GRIP2: variants seen among roughly 807,000 people sequenced by gnomAD.
GRIP2 encodes the protein glutamate receptor-interacting protein 2.
A neutral mutation model predicts 108.3 loss-of-function variants in GRIP2; 58 were observed. That is an observed-to-expected ratio of 0.54 (90% CI 0.43 to 0.67). GRIP2 has a LOEUF of 0.67. Ranked by LOEUF, GRIP2 falls within the 30% of genes least tolerant of loss-of-function variation. The pLI, the probability that GRIP2 is intolerant of heterozygous loss-of-function variation, is 0.00. For missense variants in GRIP2, 1,278 were observed against 1,430.6 expected (o/e 0.89, Z 1.72); for synonymous variants, 586 against 598.2 (o/e 0.98, Z 0.30).
chr3:14,503,228 C>T (rs139793839), intron 21 of GRIP2, among the ~76,000 whole-genome samples: 1 of 151,378 alleles, frequency 6.6e-6, no homozygotes, highest in African/African-American at 2.5e-5. Context: ...ATCGGACACA[C>T]ATGTTCTGAA....
At chr3:14,528,369 G>A (rs11714309) in intron 1 of GRIP2, among the ~76,000 whole-genome samples, 3,520 of 152,250 alleles carry the variant, frequency 0.023, 70 homozygotes, top group Non-Finnish European at 0.038. Context: ...ACAGGTTTTC[G>A]TTTGAACATA....
At chr3:14,590,007 G>A in the GRIP2 span, among the ~76,000 whole-genome samples, 1 of 152,004 alleles carries the variant, frequency 6.6e-6, no homozygotes, top group Non-Finnish European at 1.5e-5. Flanking sequence ...TACCTAGGCT[G>A]GTCTCAAACT....
rs1694935323 is a variant in GRIP2 at position 14,540,294 on chromosome 3, G to A, written c.15C>T (p.Leu5=). MLCG[L]SRETPGEADD... ...CCGCCTCTCCAGGGGTCTCCCGGCT[G>A]AGCCCACACAGCATGTTCGCTATTG... Residue 5 remains leucine, a synonymous_variant, in exon 1 of 24, where the codon CTC becomes CTT. Transcript: ENST00000621039. This position sits in a 1 kb window ranked among gnomAD's most constrained non-coding sequence, Gnocchi z 4.1. 2 of 1,613,634 alleles carry A rather than the reference G, an allele frequency of 1.2e-6. No homozygotes were observed. The highest frequency in any genetic ancestry group is 1.1e-5 in the South Asian group (1 of 91,064).
upstream of GRIP2, among the ~76,000 whole-genome samples, chr3:14,546,691 C>A (rs1198742454): frequency 6.6e-6 from 1 of 152,168 alleles, no homozygotes; most frequent in Non-Finnish European, 1.5e-5. Context: ...GCAAATGACC[C>A]CAAGTTCATG....
rs759299865 is a variant in GRIP2, at chr3:14,507,484, G to A, written c.2218+77C>T. ...TGCAGTGAGGACTCTGTGAGGGTGT[G>A]CAGGCAAAGCCTGGCACAGAGGGAT... is the stretch of plus-strand genomic sequence containing the variant. On this transcript the variant is annotated intron_variant, in intron 18 of 23. Coordinates refer to ENST00000621039, the MANE Select transcript of GRIP2 (RefSeq NM_001080423.4). The surrounding 1 kb of genome is among the most constrained non-coding windows in gnomAD (Gnocchi z 4.6). The A allele has an allele frequency of 9.0e-6, 14 of 1,551,362 alleles. No individual in the cohort carries two copies. In the South Asian group the frequency reaches 1.2e-4, roughly 13 times the overall value.
chr3:14,529,900 C>G (rs942434487), intron 1 of GRIP2, among the ~76,000 whole-genome samples: 1 of 152,150 alleles, frequency 6.6e-6, no homozygotes, highest in Admixed American at 6.5e-5. Context: ...GAGAATTTTC[C>G]ATTCCTTCCC....
At position 14,554,096 on chromosome 3, in the gene GRIP2, G is replaced by A. The variant is rs1423216397; in HGVS notation, c.55+1804C>T. ...GGGGAAGATGGAATTAAAAATTCCA[G>A]GAGTCTACTGTGTGTCCCAAACTTC... On this transcript the variant is annotated intron_variant, in intron 1 of 23. Transcript: ENST00000637182. Among the ~76,000 whole-genome samples the A allele has an allele frequency of 2.0e-5, 3 of 152,302 alleles. No individual in the cohort carries two copies. The East Asian group carries it at 5.8e-4, about 29-fold the overall frequency.
the GRIP2 span, among the ~76,000 whole-genome samples, chr3:14,590,362 C>T: frequency 6.6e-6 from 1 of 152,198 alleles, no homozygotes; most frequent in Non-Finnish European, 1.5e-5. Context: ...ACCACTCCTC[C>T]TCATCTGTGT....
upstream of GRIP2, among the ~76,000 whole-genome samples, chr3:14,546,682 C>CA (rs1695062981): frequency 6.6e-6 from 1 of 152,178 alleles, no homozygotes; most frequent in African/African-American, 2.4e-5. Context: ...GCGTGGAGGG[C>CA]AAATGACCCC....
chr3:14,517,914 A>T lies in GRIP2; in HGVS notation c.1031-17T>A. 6.5e-7 allele frequency: 1 copy of T among 1,529,448 alleles called. No individual in the cohort carries two copies. The highest frequency in any genetic ancestry group is 2.4e-5 in the East Asian group (1 of 42,464). 94.7% of individuals were successfully genotyped at this position (1,529,448 alleles called of 1,614,324 possible). On this transcript the variant is annotated splice_polypyrimidine_tract_variant and intron_variant, in intron 9 of 23. Transcript: ENST00000621039. ...GCACTTTCACTGTAGCCAGCGGAGA[A>T]AGAGGAAAGAGAGGTGCAGGCGTTA...
chr3:14,601,389 C>T, the GRIP2 span, among the ~76,000 whole-genome samples: 1 of 152,152 alleles, frequency 6.6e-6, no homozygotes, highest in Non-Finnish European at 1.5e-5. Flanking sequence ...GGGGCAGCTC[C>T]GTTGAGTAGA....
chr3:14,599,225 C>G, the GRIP2 span, among the ~76,000 whole-genome samples: 1 of 152,220 alleles, frequency 6.6e-6, no homozygotes, highest in African/African-American at 2.4e-5. Context: ...CTTGCTGCAT[C>G]TATGTTTCCC....
the GRIP2 span, among the ~76,000 whole-genome samples, chr3:14,601,347 G>A: frequency 1.3e-5 from 2 of 152,142 alleles, no homozygotes; most frequent in Non-Finnish European, 2.9e-5. Context: ...CTGGCTCTGC[G>A]AGATTTCCTT....
intron 1 of GRIP2, among the ~76,000 whole-genome samples, chr3:14,528,167 C>T (rs919735025): frequency 5.3e-5 from 8 of 152,158 alleles, no homozygotes; most frequent in Non-Finnish European, 1.2e-4. Flanking sequence ...TCAGTATGTA[C>T]GCTTTTGAGT....
At position 14,493,515 on chromosome 3, in the gene GRIP2, TG is replaced by T. The variant is rs1701382135; in HGVS notation, c.*149del. On this transcript the variant is annotated 3_prime_UTR_variant, in exon 24 of 24. Coordinates refer to ENST00000621039, the MANE Select transcript of GRIP2 (RefSeq NM_001080423.4). ...CCTGGCACCCCAGTCACCACAGACC[TG>T]GGGAACAGAGACCAAGCATCATCCC... 2 of 973,196 alleles carry T rather than the reference TG, an allele frequency of 2.1e-6. No individual in the cohort carries two copies. Among genetic ancestry groups the T allele is most frequent in the Non-Finnish European group, 2.9e-6 (2 of 681,864 alleles). The allele number at this position is 973,196 out of a possible 1,614,324, so 60.3% of individuals were successfully genotyped here. A position where few individuals can be genotyped will look rare whatever the true frequency, so the allele number is the denominator to read the frequency against.
At chr3:14,573,017 T>C in the GRIP2 span, 1 of 1,441,836 alleles carries the variant, frequency 6.9e-7, no homozygotes, top group South Asian at 1.1e-5. Flanking sequence ...TCAGGCAGCA[T>C]TTCCAGTACA....
chr3:14,525,748 G>T, intron 2 of GRIP2, 103 bp downstream of exon 2: 1 of 1,340,024 alleles, frequency 7.5e-7, no homozygotes. Context: ...CTGGTCTAAG[G>T]TCACAGAGCA....
chr3:14,554,462 T>A (rs926819170), intron 1 of GRIP2, among the ~76,000 whole-genome samples: 2 of 151,922 alleles, frequency 1.3e-5, no homozygotes, highest in African/African-American at 4.8e-5. Flanking sequence ...GGAGGGAGTG[T>A]CTCCTGCGGG....
chr3:14,559,484 T>C (rs1010657319), upstream of GRIP2, among the ~76,000 whole-genome samples: 4 of 150,192 alleles, frequency 2.7e-5, no homozygotes, highest in Admixed American at 6.6e-5. Context: ...TATGATCCAG[T>C]AGTTTCTAAT....
Sources: gnomAD v4.1 joint callset for allele counts (sites outside exome capture counted in the v4.1 genomes callset) on GRCh38, gnomAD v4.1.1 for gene constraint, Gnocchi (gnomAD v3.1) non-coding constraint, MANE v1.5 for transcripts, NCBI Gene and HGNC (gene_info 2026-07-23, HGNC 2026-07-21) for gene names.